PKNOX2: variants seen among roughly 807,000 people sequenced by gnomAD.
PKNOX2 encodes the protein PBX/knotted 1 homeobox 2.
In PKNOX2, 14 loss-of-function variants were observed where a neutral mutation model predicts 53.1. That is an observed-to-expected ratio of 0.26 (90% confidence interval 0.17 to 0.41). The LOEUF (loss-of-function observed/expected upper bound fraction) is 0.41. Among genes scored for constraint, PKNOX2 ranks in the 10% least tolerant of loss-of-function variants. The pLI, the probability that PKNOX2 is intolerant of heterozygous loss-of-function variation, is 1.00. For missense variants in PKNOX2, 496 were observed against 602.8 expected (o/e 0.82, Z 1.85); for synonymous variants, 257 against 242.8 (o/e 1.06, Z -0.54).
chr11:125,251,091 GCC>G (rs1428669825), intron 2 of PKNOX2, among the ~76,000 whole-genome samples: 2 of 152,236 alleles, frequency 1.3e-5, no homozygotes, highest in Admixed American at 6.5e-5. Flanking sequence ...GCGGCCTGTA[GCC>G]CCCGAGTCAT....
At chr11:125,405,692 G>A (rs2135509456) in intron 7 of PKNOX2, among the ~76,000 whole-genome samples, 1 of 152,308 alleles carries the variant, frequency 6.6e-6, no homozygotes, top group Middle Eastern at 3.4e-3. Flanking sequence ...ATGGTGCTCG[G>A]GAGGCACCAG....
At chr11:125,383,334 A>G (rs1447381862) in intron 5 of PKNOX2, among the ~76,000 whole-genome samples, 1 of 151,554 alleles carries the variant, frequency 6.6e-6, no homozygotes, top group African/African-American at 2.4e-5. Flanking sequence ...TCTCGGTAGG[A>G]CGTGGTGGCT....
At chr11:125,191,337 T>G (rs757762298) in intron 1 of PKNOX2, 2 of 152,262 alleles carry the variant, frequency 1.3e-5, no homozygotes, top group Admixed American at 1.3e-4. Flanking sequence ...ATTTTGTGAG[T>G]GGGTTGCATT....
chr11:125,353,198 G>A (rs983119145), intron 4 of PKNOX2, among the ~76,000 whole-genome samples: 3 of 152,194 alleles, frequency 2.0e-5, no homozygotes, highest in Non-Finnish European at 4.4e-5. Context: ...GTATTTAGCA[G>A]GTGGTAGCTG....
chr11:125,413,574 C>T (rs756649364), intron 10 of PKNOX2, among the ~76,000 whole-genome samples: 24 of 152,294 alleles, frequency 1.6e-4, no homozygotes, highest in Admixed American at 2.0e-4. Flanking sequence ...GGGTGACATA[C>T]GATGCAGGGT....
chr11:125,364,596 G>A (rs942098079), intron 4 of PKNOX2, among the ~76,000 whole-genome samples: 1 of 152,200 alleles, frequency 6.6e-6, no homozygotes, highest in African/African-American at 2.4e-5. Flanking sequence ...GGGCAGAGCA[G>A]AGCACACTGC....
At chr11:125,300,801 C>T (rs1565491463) in intron 2 of PKNOX2, among the ~76,000 whole-genome samples, 1 of 152,172 alleles carries the variant, frequency 6.6e-6, no homozygotes, top group Non-Finnish European at 1.5e-5. Flanking sequence ...TATAGGGAAA[C>T]CTGAAAGCTA....
At chr11:125,252,850 G>T (rs1944110959) in intron 2 of PKNOX2, among the ~76,000 whole-genome samples, 1 of 152,150 alleles carries the variant, frequency 6.6e-6, no homozygotes, top group Admixed American at 6.5e-5. Flanking sequence ...TCCTTCAGGG[G>T]GTCATAGACA....
intron 4 of PKNOX2, among the ~76,000 whole-genome samples, chr11:125,361,403 A>G (rs1269823081): frequency 6.6e-6 from 1 of 152,082 alleles, no homozygotes; most frequent in African/African-American, 2.4e-5. Flanking sequence ...CACCTCGCCT[A>G]TTTTTCAGAT....
intron 1 of PKNOX2, among the ~76,000 whole-genome samples, chr11:125,187,215 G>A (rs1956504357): frequency 6.6e-6 from 1 of 151,952 alleles, no homozygotes; most frequent in Non-Finnish European, 1.5e-5. Context: ...AATTCCATTT[G>A]AAGTTGAGAT....
At chr11:125,392,278 AATC>A (rs1954096635) in intron 6 of PKNOX2, among the ~76,000 whole-genome samples, 1 of 152,232 alleles carries the variant, frequency 6.6e-6, no homozygotes, top group Admixed American at 6.5e-5. Context: ...GGCTCAGAGA[AATC>A]ATGGAATTTG....
chr11:125,197,090 G>T (rs987654269), intron 1 of PKNOX2, among the ~76,000 whole-genome samples: 1 of 152,258 alleles, frequency 6.6e-6, no homozygotes, highest in Non-Finnish European at 1.5e-5. Flanking sequence ...TGCAGAGAGT[G>T]CTGCTGCTGT....
At chr11:125,189,435 GTGTGTGTGTGTGTATATATATATATA>G (rs1394188734) in intron 1 of PKNOX2, among the ~76,000 whole-genome samples, 986 of 79,546 alleles carry the variant, frequency 0.012, 25 homozygotes, top group African/African-American at 0.047. Flanking sequence ...GTGTGTGTGT[GTGTGTGTGTGTGTATATATATATATA>G]TATATATATA....
At chr11:125,224,341 G>T (rs557944550) in intron 1 of PKNOX2, among the ~76,000 whole-genome samples, 1 of 152,362 alleles carries the variant, frequency 6.6e-6, no homozygotes, top group South Asian at 2.1e-4. Context: ...CTGCTAGCAA[G>T]GGATCCCATT....
At chr11:125,168,209 A>G (rs999842378) in intron 1 of PKNOX2, among the ~76,000 whole-genome samples, 15 of 152,378 alleles carry the variant, frequency 9.8e-5, no homozygotes, top group African/African-American at 3.6e-4. Flanking sequence ...GGAACAAGGC[A>G]GGCTGTTTTT....
At chr11:125,409,350 G>A (rs965265852) in intron 7 of PKNOX2, among the ~76,000 whole-genome samples, 3 of 152,152 alleles carry the variant, frequency 2.0e-5, no homozygotes, top group African/African-American at 4.8e-5. Context: ...CTGGGCTAAC[G>A]CAAAGAAAAG....
intron 1 of PKNOX2, among the ~76,000 whole-genome samples, chr11:125,178,820 A>G (rs1955970546): frequency 6.6e-6 from 1 of 152,020 alleles, no homozygotes; most frequent in Non-Finnish European, 1.5e-5. Flanking sequence ...AGAATCAAAG[A>G]CTGGGCTTAA....
intron 11 of PKNOX2, among the ~76,000 whole-genome samples, chr11:125,429,528 A>T (rs751764185): frequency 3.9e-5 from 6 of 152,110 alleles, no homozygotes; most frequent in Non-Finnish European, 7.4e-5. Flanking sequence ...TTCTGACCCC[A>T]CAGGGATCTC....
At chr11:125,357,435 T>C (rs1187825641) in intron 4 of PKNOX2, among the ~76,000 whole-genome samples, 1 of 152,248 alleles carries the variant, frequency 6.6e-6, no homozygotes. Flanking sequence ...TTGATGAACT[T>C]ACTATATTCT....
Sources: gnomAD v4.1 joint callset for allele counts (sites outside exome capture counted in the v4.1 genomes callset) on GRCh38, gnomAD v4.1.1 for gene constraint, MANE v1.5 for transcripts, NCBI Gene and HGNC (gene_info 2026-07-23, HGNC 2026-07-21) for gene names.